TUBE1: variants seen among roughly 807,000 people sequenced by gnomAD.
TUBE1 encodes tubulin epsilon chain.
A neutral mutation model predicts 53.5 loss-of-function variants in TUBE1; 34 were observed. The observed-to-expected ratio is 0.64, with a 90% CI of 0.48 to 0.85. TUBE1 has a LOEUF of 0.85. Ranked by LOEUF, TUBE1 falls within the 40% of genes least tolerant of loss-of-function variation. TUBE1 has a pLI of 0.00. For missense variants in TUBE1, 532 were observed against 570.5 expected, an observed-to-expected ratio of 0.93 and a Z score of 0.69; for synonymous variants, 177 against 198.4, an observed-to-expected ratio of 0.89 and a Z score of 0.91.
At chr6:112,086,811 G>C (rs187138030) in intron 2 of TUBE1, 250 of 529,096 alleles carry the variant, frequency 4.7e-4, no homozygotes, top group African/African-American at 3.9e-3. Flanking sequence ...AGTTCAGCAG[G>C]GGGTGCTAAA....
intron 6 of TUBE1, chr6:112,077,778 T>A (rs1016966229): frequency 4.6e-5 from 7 of 151,848 alleles, no homozygotes; most frequent in Admixed American, 3.3e-4. Context: ...TTTGATTTCA[T>A]TAAAAATAAA....
chr6:112,086,469 G>A, intron 3 of TUBE1, 87 bp downstream of exon 3: 6 of 906,636 alleles, frequency 6.6e-6, no homozygotes, highest in Non-Finnish European at 1.0e-5. Context: ...TTCGCAGCTG[G>A]CTATTTTTAT....
chr6:112,083,782 G>A (rs1488853236), intron 4 of TUBE1: 2 of 158,894 alleles, frequency 1.3e-5, no homozygotes, highest in Non-Finnish European at 2.7e-5. Context: ...CTTGGTTCAG[G>A]AGAACTTATA....
In TUBE1 at chr6:112,085,522, G is replaced by A. The variant is rs113618669; in HGVS notation, c.152+1034C>T. Reference sequence around the variant, plus strand: ...GTAGGAACTTAGCAAGAGAAGCGCCGGAAAGGAAGTATGACAGAAGCAAAT... The same window carrying A: ...GTAGGAACTTAGCAAGAGAAGCGCCAGAAAGGAAGTATGACAGAAGCAAAT... On this transcript the variant is annotated intron_variant, in intron 3 of 11. Coordinates refer to ENST00000368662, the MANE Select transcript of TUBE1 (RefSeq NM_016262.5). 4.1e-3 allele frequency: 1,493 copies of A among 367,532 alleles called. 16 individuals are homozygous for A. The highest frequency in any genetic ancestry group is 0.021 in the African/African-American group (994 of 47,068). The allele number at this position is 367,532 out of a possible 1,614,324, so 22.8% of individuals were successfully genotyped here.
intron 6 of TUBE1, chr6:112,077,278 A>C (rs977439646): frequency 3.3e-5 from 5 of 152,220 alleles, no homozygotes; most frequent in Non-Finnish European, 5.9e-5. Flanking sequence ...AAAATTTTCA[A>C]ATATGAAACA....
chr6:112,086,593 C>T lies in TUBE1; in HGVS notation c.115G>A (p.Glu39Lys), dbSNP rs2114495669. The T allele has an allele frequency of 3.1e-6, 5 of 1,612,248 alleles. No individual in the cohort carries two copies. Among genetic ancestry groups the T allele is most frequent in the Non-Finnish European group, 3.4e-6 (4 of 1,178,626 alleles). Residue 39 changes from glutamate (E) to lysine (K), a missense_variant, in exon 3 of 12, where the codon GAG (glutamate) becomes AAG (lysine). Physicochemically the swap from Glu to Lys is moderately conservative, Grantham distance 56. Transcript: ENST00000368662. ...TTTCTAAAGAAGCTGCTTATTGCCT[C>T]ATCATAAATTCCTTTCTAAAAAGAA... ...AAVNQKGIYD[E>K]AISSFFRNVD...
At chr6:112,083,120 C>G (rs1554316933) in intron 4 of TUBE1, among the ~76,000 whole-genome samples, 1 of 151,972 alleles carries the variant, frequency 6.6e-6, no homozygotes, top group Non-Finnish European at 1.5e-5. Flanking sequence ...TACCTGCTCT[C>G]TCTACATCAC....
chr6:112,071,483 C>G lies in TUBE1; in HGVS notation c.1357G>C (p.Glu453Gln). Reference sequence around the variant, plus strand: ...TTTGTGGCGTCCAGTTGGTCATATTCCTGTATGAGTGCTGATAAAGATGAC... The same window carrying G: ...TTTGTGGCGTCCAGTTGGTCATATTGCTGTATGAGTGCTGATAAAGATGAC... Reference protein sequence around the residue: ...AVSSLSALIQEYDQLDATKNM... With the variant: ...AVSSLSALIQQYDQLDATKNM... Residue 453 changes from glutamate to glutamine, a missense_variant, in exon 12 of 12, where the codon GAA becomes CAA. Coordinates refer to ENST00000368662, the MANE Select transcript of TUBE1 (RefSeq NM_016262.5). 6.2e-7 allele frequency: 1 copy of G among 1,612,288 alleles called. No homozygotes were observed. Among genetic ancestry groups the G allele is most frequent in the East Asian group, 2.2e-5 (1 of 44,852 alleles).
At chr6:112,087,189 G>A in intron 2 of TUBE1, 44 bp downstream of exon 2, 1 of 1,519,718 alleles carries the variant, frequency 6.6e-7, no homozygotes, top group Non-Finnish European at 8.9e-7. Context: ...TGGGCTGGAA[G>A]ACCTAGCTGA....
rs781948733 is a variant in TUBE1 at position 112,075,939 on chromosome 6, C to T, written c.810G>A (p.Thr270=). ...TGACTATCCCTGGATAGAATTACCTCGTTAGGTTGAGGAGCAAATTTGCCA... is the reference window on the plus strand; with the variant it reads ...TGACTATCCCTGGATAGAATTACCTTGTTAGGTTGAGGAGCAAATTTGCCA... ...NIVANLLLNL[T]SSARFEGSLN... The change falls in exon 8 of 12, where the codon ACG becomes ACA. Residue 270 remains threonine (T), a splice_region_variant and synonymous_variant. Transcript: ENST00000368662. 2.5e-6 allele frequency: 4 copies of T among 1,607,192 alleles called. No individual in the cohort carries two copies. Among genetic ancestry groups the T allele is most frequent in the African/African-American group, 2.7e-5 (2 of 74,696 alleles).
intron 6 of TUBE1, chr6:112,077,179 T>C (rs1313771684): frequency 6.6e-6 from 1 of 152,224 alleles, no homozygotes; most frequent in Non-Finnish European, 1.5e-5. Context: ...AGTGTGTATA[T>C]AATCTTGATG....
At chr6:112,075,824 TA>T in intron 8 of TUBE1, 112 bp downstream of exon 8, 1 of 1,004,848 alleles carries the variant, frequency 1.0e-6, no homozygotes, top group Non-Finnish European at 1.4e-6. Flanking sequence ...GAAGACAAAA[TA>T]AAAACAGAAG....
rs1554316067 is a variant in TUBE1 at position 112,076,359 on chromosome 6, T to C, written c.599A>G (p.Asn200Ser). ...YNSILAMKEL[N>S]EHADCVLPID... ...GGGCAATACACAGTCTGCATGCTCA[T>C]TAAGTTCCTTCATTGCCAAGATGCT... is the stretch of plus-strand genomic sequence containing the variant. The change falls in exon 7 of 12, where the codon AAT becomes AGT. Residue 200 changes from asparagine (N) to serine (S), a missense_variant. Asn to Ser is a conservative substitution (Grantham distance 46). Transcript: ENST00000368662. 1.2e-6 allele frequency: 2 copies of C among 1,604,528 alleles called. No individual in the cohort carries two copies. Among genetic ancestry groups the C allele is most frequent in the East Asian group, 2.2e-5 (1 of 44,770 alleles).
rs1554317596 is a variant in TUBE1, at chr6:112,087,453, C to A, written c.-19G>T. The A allele has an allele frequency of 6.5e-7, 1 of 1,549,534 alleles. No homozygotes were observed. Among genetic ancestry groups the A allele is most frequent in the Admixed American group, 2.0e-5 (1 of 50,962 alleles). On this transcript the variant is annotated 5_prime_UTR_variant, in exon 1 of 12. Transcript: ENST00000368662. ...GGGTCATGGTGGTGCGCCGCCGGCT[C>A]CGGGAGCTTGCTAGCCCGCGGCCGC...
At position 112,086,815 on chromosome 6, in the gene TUBE1, T is replaced by A. The variant is rs1389946494; in HGVS notation, c.100-207A>T. 2.5e-5 allele frequency: 13 copies of A among 529,426 alleles called. No individual in the cohort carries two copies. In the Admixed American group the frequency reaches 4.2e-4, roughly 17 times the overall value. The allele number at this position is 529,426 out of a possible 1,614,324, so 32.8% of individuals were successfully genotyped here. A position where few individuals can be genotyped will look rare whatever the true frequency, so the allele number is the denominator to read the frequency against. On this transcript the variant is annotated intron_variant, in intron 2 of 11. Coordinates refer to ENST00000368662, the MANE Select transcript of TUBE1 (RefSeq NM_016262.5). ...TACAGATAAAAAGTTCAGCAGGGGG[T>A]GCTAAAGAAAGGATTTCACCCATAG...
intron 6 of TUBE1, chr6:112,077,970 C>T (rs1777000356): frequency 6.6e-6 from 1 of 151,948 alleles, no homozygotes; most frequent in Non-Finnish European, 1.5e-5. Context: ...ACATTTAACT[C>T]ATAATAAAAG....
chr6:112,087,157 C>G (rs1777175614), intron 2 of TUBE1, 76 bp downstream of exon 2: 4 of 1,320,846 alleles, frequency 3.0e-6, no homozygotes, highest in Admixed American at 2.1e-5. Context: ...GATGAAAGCT[C>G]AAGTCGATTA....
chr6:112,082,900 A>C (rs1208095055), intron 4 of TUBE1, among the ~76,000 whole-genome samples: 2 of 152,164 alleles, frequency 1.3e-5, no homozygotes, highest in Non-Finnish European at 2.9e-5. Flanking sequence ...GATCACAACC[A>C]CATAATACCA....
rs1554315536 is a variant in TUBE1 at position 112,072,787 on chromosome 6, T to G, written c.1065A>C (p.Gln355His). 1 of 1,613,292 alleles carries G rather than the reference T, an allele frequency of 6.2e-7. No homozygotes were observed. Among genetic ancestry groups the G allele is most frequent in the Admixed American group, 1.7e-5 (1 of 59,972 alleles). ...CAATATTTCTACGAAGATCTGAAATTTGTACATTTCCTCTAACCATGAGTG... is the reference window on the plus strand; with the variant it reads ...CAATATTTCTACGAAGATCTGAAATGTGTACATTTCCTCTAACCATGAGTG... ...ACALMVRGNV[Q>H]ISDLRRNIER... is the part of the protein sequence containing the mutation. The change falls in exon 10 of 12, where the codon CAA becomes CAC. Residue 355 changes from glutamine (Q) to histidine (H), a missense_variant. By Grantham distance (24) the Gln-to-His change is conservative. Coordinates refer to ENST00000368662, the MANE Select transcript of TUBE1 (RefSeq NM_016262.5).
Sources: allele counts gnomAD v4.1 joint callset (sites outside exome capture counted in the v4.1 genomes callset), GRCh38; gene constraint gnomAD v4.1.1; transcripts MANE v1.5; gene names NCBI Gene and HGNC (gene_info 2026-07-23, HGNC 2026-07-21).